Variants in MAMDC2 observed in about 807,000 individuals in gnomAD.
MAMDC2 encodes MAM domain-containing protein 2.
In MAMDC2, 57 loss-of-function variants were observed where a neutral mutation model predicts 89.8. The observed-to-expected ratio is 0.63, with a 90% confidence interval of 0.51 to 0.79. The LOEUF is 0.79. Ranked by LOEUF, MAMDC2 falls within the 30% of genes least tolerant of loss-of-function variation. The pLI, the probability that MAMDC2 is intolerant of heterozygous loss-of-function variation, is 0.00. For synonymous variants in MAMDC2, 313 were observed against 293.4 expected, an observed-to-expected ratio of 1.07 and a Z score of -0.68; for missense variants, 800 against 820.6, an observed-to-expected ratio of 0.97 and a Z score of 0.31.
At chr9:70,071,781 G>T (rs1223929477) in intron 2 of MAMDC2, 1 of 152,136 alleles carries the variant, frequency 6.6e-6, no homozygotes, top group Non-Finnish European at 1.5e-5. Context: ...AAATTAATAA[G>T]TTGGGGGGCA....
chr9:70,154,944 T>G (rs1012992), intron 9 of MAMDC2, among the ~76,000 whole-genome samples: 12 of 152,032 alleles, frequency 7.9e-5, no homozygotes, highest in African/African-American at 2.7e-4. Context: ...CCAGCCCCCA[T>G]GCAAATCCCA....
At position 70,044,154 on chromosome 9, in the gene MAMDC2, G is replaced by A. The variant is rs1826673035; in HGVS notation, c.-44G>A. ...TAGGAGCAGCCAGTCCCAGCGGGCT[G>A]GCAACTTGCACCCCTTCCTAGTCAT... is the stretch of plus-strand genomic sequence containing the variant. On this transcript the variant is annotated 5_prime_UTR_variant, in exon 1 of 14. Coordinates refer to ENST00000377182, the MANE Select transcript of MAMDC2 (RefSeq NM_153267.5). 6.2e-7 allele frequency: 1 copy of A among 1,612,478 alleles called. No individual in the cohort carries two copies. Among genetic ancestry groups the A allele is most frequent in the Non-Finnish European group, 8.5e-7 (1 of 1,179,174 alleles).
intron 11 of MAMDC2, among the ~76,000 whole-genome samples, chr9:70,179,932 C>G (rs1927140): frequency 1.3e-5 from 2 of 149,508 alleles, no homozygotes; most frequent in Admixed American, 6.7e-5. Flanking sequence ...GTTTGTTACA[C>G]AGGTATACAT....
chr9:70,197,533 T>A (rs2032996691), intron 11 of MAMDC2, among the ~76,000 whole-genome samples: 1 of 152,118 alleles, frequency 6.6e-6, no homozygotes, highest in Non-Finnish European at 1.5e-5. Context: ...TACTGAAATT[T>A]GCCAAAGTGT....
intron 2 of MAMDC2, chr9:70,071,706 T>C (rs1481747406): frequency 2.0e-5 from 3 of 151,906 alleles, no homozygotes; most frequent in Non-Finnish European, 2.9e-5. Flanking sequence ...ATTTGGGGAG[T>C]TGATGAGAAA....
intron 2 of MAMDC2, among the ~76,000 whole-genome samples, chr9:70,097,777 A>G (rs1828066653): frequency 6.6e-6 from 1 of 152,160 alleles, no homozygotes; most frequent in Non-Finnish European, 1.5e-5. Context: ...ATTTAGATGT[A>G]AGCTTATACC....
At chr9:70,044,402 G>T (rs1587418728) in intron 1 of MAMDC2, among the ~76,000 whole-genome samples, 171 bp downstream of exon 1, 1 of 151,766 alleles carries the variant, frequency 6.6e-6, no homozygotes, top group East Asian at 1.9e-4. Flanking sequence ...GGGGGTGGGG[G>T]TGGGCGTGGG....
intron 9 of MAMDC2, among the ~76,000 whole-genome samples, chr9:70,155,252 T>G (rs2031718647): frequency 6.6e-6 from 1 of 152,144 alleles, no homozygotes; most frequent in Non-Finnish European, 1.5e-5. Flanking sequence ...TTCAGGTCTA[T>G]TTTCACTCGC....
At chr9:70,211,434 T>C (rs931325409) in intron 11 of MAMDC2, among the ~76,000 whole-genome samples, 1 of 152,226 alleles carries the variant, frequency 6.6e-6, no homozygotes, top group Non-Finnish European at 1.5e-5. Flanking sequence ...CTGAAGCTTG[T>C]GCATGCATCA....
intron 11 of MAMDC2, among the ~76,000 whole-genome samples, chr9:70,212,005 G>A (rs2033362899): frequency 2.6e-5 from 4 of 152,226 alleles, no homozygotes; most frequent in Admixed American, 6.5e-5. Flanking sequence ...TCTCAGAGGG[G>A]CACCCAGCTG....
chr9:70,163,414 G>A lies in MAMDC2; in HGVS notation c.1405-5288G>A, dbSNP rs151103330. On this transcript the variant is annotated intron_variant, in intron 9 of 13. Coordinates refer to ENST00000377182, the MANE Select transcript of MAMDC2 (RefSeq NM_153267.5). Reference sequence around the variant, plus strand: ...CAGCTAATTTTTGTATTTATGTAGAGACAAGGTTTCGCAATGTTGGCCAGG... The same window carrying A: ...CAGCTAATTTTTGTATTTATGTAGAAACAAGGTTTCGCAATGTTGGCCAGG... Among the ~76,000 whole-genome samples, 15 of 151,668 alleles carry A rather than the reference G, an allele frequency of 9.9e-5. 1 individual carries two copies. In the East Asian group the frequency reaches 2.9e-3, roughly 30 times the overall value.
At chr9:70,064,128 A>G (rs1341416132) in intron 2 of MAMDC2, among the ~76,000 whole-genome samples, 2 of 151,994 alleles carry the variant, frequency 1.3e-5, no homozygotes, top group East Asian at 3.8e-4. Flanking sequence ...ATGTATATAT[A>G]TATAATAATT....
At chr9:70,200,347 AG>A (rs1472262630) in intron 11 of MAMDC2, among the ~76,000 whole-genome samples, 129 of 146,604 alleles carry the variant, frequency 8.8e-4, no homozygotes, top group African/African-American at 2.9e-3. Flanking sequence ...GGTTTGTCAA[AG>A]ATCAGATAGT....
At chr9:70,080,331 A>T (rs1318805825) in intron 2 of MAMDC2, among the ~76,000 whole-genome samples, 1 of 152,218 alleles carries the variant, frequency 6.6e-6, no homozygotes, top group Non-Finnish European at 1.5e-5. Context: ...CTATACATGT[A>T]TGTGTACATA....
At chr9:70,215,242 T>C (rs1431343533) in intron 11 of MAMDC2, among the ~76,000 whole-genome samples, 1 of 121,148 alleles carries the variant, frequency 8.3e-6, no homozygotes, top group Admixed American at 9.2e-5. Context: ...CTTTCTGAAG[T>C]GGTAAACCAC....
chr9:70,162,582 C>A (rs1162649824), intron 9 of MAMDC2, among the ~76,000 whole-genome samples: 1 of 150,762 alleles, frequency 6.6e-6, no homozygotes, highest in Non-Finnish European at 1.5e-5. Flanking sequence ...CCTCAACCTC[C>A]CGGGCCGAGG....
intron 11 of MAMDC2, among the ~76,000 whole-genome samples, chr9:70,216,584 T>C (rs376333865): frequency 6.6e-6 from 1 of 152,244 alleles, no homozygotes. Flanking sequence ...ACATATGAAT[T>C]TGGGGAGACA....
At chr9:70,155,774 C>T (rs1001406088) in intron 9 of MAMDC2, among the ~76,000 whole-genome samples, 11 of 152,284 alleles carry the variant, frequency 7.2e-5, no homozygotes, top group Admixed American at 2.0e-4. Context: ...GCTCCCTCAG[C>T]GTTTATCAAC....
intron 11 of MAMDC2, among the ~76,000 whole-genome samples, chr9:70,212,865 T>G (rs749175009): frequency 2.6e-5 from 4 of 152,150 alleles, no homozygotes; most frequent in Non-Finnish European, 5.9e-5. Context: ...GAAAGCATAG[T>G]AGACTTCAGG....
Sources: gnomAD v4.1 joint callset for allele counts (sites outside exome capture counted in the v4.1 genomes callset) on GRCh38, gnomAD v4.1.1 for gene constraint, MANE v1.5 for transcripts, NCBI Gene and HGNC (gene_info 2026-07-23, HGNC 2026-07-21) for gene names.